ZNF2: variants seen among roughly 807,000 people sequenced by gnomAD.
ZNF2 encodes zinc finger protein 2.2.
In ZNF2, 12 loss-of-function variants were observed where a neutral mutation model predicts 21.9. The observed-to-expected ratio is 0.55, with a 90% CI of 0.35 to 0.89. The LOEUF is 0.89. ZNF2 is among the 40% of genes least tolerant of loss of function. The probability of loss-of-function intolerance (pLI) is 0.01; values close to 1 mark genes in which losing one functional copy is unlikely to be tolerated. For missense variants in ZNF2, 462 were observed against 544.2 expected (o/e 0.85, Z 1.50); for synonymous variants, 186 against 196.3 (o/e 0.95, Z 0.44).
At position 95,167,189 on chromosome 2, in the gene ZNF2, A is replaced by C. The variant is rs150092644; in HGVS notation, c.-40+1329A>C. Among the ~76,000 whole-genome samples the C allele has an allele frequency of 3.9e-5, 6 of 152,340 alleles. No homozygotes were observed. The East Asian group carries it at 1.2e-3, about 29-fold the overall frequency. ...ACTTGAATAAGCAGAAGCTTGTCCG[A>C]ACAGTGAAAAGCTACAGAGAAATAG... On this transcript the variant is annotated intron_variant, in intron 1 of 4. Transcript: ENST00000614034.
At chr2:95,175,507 AACT>A (rs1288199246) in intron 1 of ZNF2, among the ~76,000 whole-genome samples, 1 of 151,990 alleles carries the variant, frequency 6.6e-6, no homozygotes, top group Non-Finnish European at 1.5e-5. Flanking sequence ...TGCTGCTGGT[AACT>A]TTGGTTCCCC....
chr2:95,168,094 A>T (rs1674144180), intron 1 of ZNF2, among the ~76,000 whole-genome samples: 1 of 152,002 alleles, frequency 6.6e-6, no homozygotes, highest in Middle Eastern at 3.4e-3. Context: ...ATGTTGAAAG[A>T]AAGTGCTACT....
chr2:95,173,417 G>A (rs137938575), intron 1 of ZNF2, among the ~76,000 whole-genome samples: 2 of 152,128 alleles, frequency 1.3e-5, no homozygotes, highest in Non-Finnish European at 2.9e-5. Flanking sequence ...CTAATGTTTG[G>A]ATATGTTTTG....
rs765871841 is a variant in ZNF2, at chr2:95,181,114, A to G, written c.286A>G (p.Lys96Glu). Residue 96 changes from lysine to glutamate, a missense_variant, in exon 5 of 5, where the codon AAG becomes GAG. Physicochemically the swap from Lys to Glu is moderately conservative, Grantham distance 56. Coordinates refer to ENST00000614034, the MANE Select transcript of ZNF2 (RefSeq NM_021088.4). Reference sequence around the variant, plus strand: ...TCTGTTTGTTCCAGACTGGGAAACTAAGCCTGAGATTCACGATGCTTCAGA... The same window carrying G: ...TCTGTTTGTTCCAGACTGGGAAACTGAGCCTGAGATTCACGATGCTTCAGA... ...PESVSLDWET[K>E]PEIHDASDKK... 3 of 1,613,118 alleles carry G rather than the reference A, an allele frequency of 1.9e-6. No homozygotes were observed. Among genetic ancestry groups the G allele is most frequent in the East Asian group, 2.2e-5 (1 of 44,858 alleles).
chr2:95,172,922 C>A (rs1414652814), intron 1 of ZNF2, among the ~76,000 whole-genome samples: 7 of 151,558 alleles, frequency 4.6e-5, no homozygotes, highest in Non-Finnish European at 1.0e-4. Context: ...CAGGTGTGAG[C>A]CACTGCACCT....
At chr2:95,172,256 A>C (rs1207988290) in intron 1 of ZNF2, among the ~76,000 whole-genome samples, 1 of 152,212 alleles carries the variant, frequency 6.6e-6, no homozygotes, top group East Asian at 1.9e-4. Flanking sequence ...CATTGTTTGC[A>C]CAAATAGTTT....
chr2:95,175,665 G>A (rs796102794), intron 1 of ZNF2, among the ~76,000 whole-genome samples: 12 of 152,256 alleles, frequency 7.9e-5, no homozygotes, highest in African/African-American at 2.9e-4. Flanking sequence ...AGTCATGTGT[G>A]CATTACCCAC....
At chr2:95,178,646 C>T (rs1276591514) in intron 3 of ZNF2, among the ~76,000 whole-genome samples, 1 of 152,108 alleles carries the variant, frequency 6.6e-6, no homozygotes, top group African/African-American at 2.4e-5. Flanking sequence ...AAGTTTAGAG[C>T]CCAAGCCTAT....
intron 1 of ZNF2, among the ~76,000 whole-genome samples, chr2:95,167,828 CAA>C (rs898357846): frequency 6.8e-5 from 9 of 133,136 alleles, no homozygotes; most frequent in East Asian, 2.2e-4. Context: ...GCCTGGGCGA[CAA>C]GAGTGAAATT....
intron 4 of ZNF2, 105 bp downstream of exon 4, chr2:95,180,377 T>C: frequency 1.4e-6 from 1 of 735,966 alleles, no homozygotes. Context: ...TCAAGTCTTC[T>C]GCTTTATTAT....
In ZNF2 at chr2:95,181,712, GC is replaced by G; in HGVS notation, c.886del (p.Gln296ArgfsTer10). 8 of 1,614,206 alleles carry G rather than the reference GC, an allele frequency of 5.0e-6. No individual in the cohort carries two copies. The highest frequency in any genetic ancestry group is 6.8e-6 in the Non-Finnish European group (8 of 1,180,038). On this transcript the variant is annotated frameshift_variant, in exon 5 of 5. Transcript: ENST00000614034. LOFTEE classifies it low-confidence loss of function (END_TRUNC). Reference sequence around the variant, plus strand: ...TGTCATCAGTGTGGGAAAGCCTTTAGCCAGAAAAGTATTCTTACTCGCCATC... The same window carrying G: ...TGTCATCAGTGTGGGAAAGCCTTTAGCAGAAAAGTATTCTTACTCGCCATC... ...YECHQCGKAFSQKSILTRHQL... is the reference protein window; with the variant it reads ...YECHQCGKAFXQKSILTRHQL...
At chr2:95,169,408 A>G (rs770979038) in intron 1 of ZNF2, among the ~76,000 whole-genome samples, 29 of 152,236 alleles carry the variant, frequency 1.9e-4, no homozygotes, top group Non-Finnish European at 7.3e-5. Flanking sequence ...AACATATACA[A>G]ATACTTTGAC....
chr2:95,180,218 A>G lies in ZNF2; in HGVS notation c.220A>G (p.Met74Val). 2 of 1,614,158 alleles carry G rather than the reference A, an allele frequency of 1.2e-6. No individual in the cohort carries two copies. The change falls in exon 4 of 5, where the codon ATG becomes GTG. Residue 74 changes from methionine (M) to valine (V), a missense_variant. By Grantham distance (21) the Met-to-Val change is conservative. Transcript: ENST00000614034. ...FQLKRGDKPW[M>V]VDLHGSEERE... Reference sequence around the variant, plus strand: ...ATTGAAGAGAGGGGACAAGCCGTGGATGGTAGATCTTCATGGGTCTGAGGA... The same window carrying G: ...ATTGAAGAGAGGGGACAAGCCGTGGGTGGTAGATCTTCATGGGTCTGAGGA...
intron 1 of ZNF2, among the ~76,000 whole-genome samples, chr2:95,167,035 G>T (rs1259543180): frequency 2.6e-5 from 4 of 152,176 alleles, no homozygotes; most frequent in African/African-American, 9.7e-5. Context: ...AACGAAGAAA[G>T]TACAAAGACT....
rs767033005 is a variant in ZNF2 at position 95,182,052 on chromosome 2, A to C, written c.1224A>C (p.Ser408=). ...CTGTGTGTGGGAAAGTTTTCAGTTCAAAATCTTCTGTTATTCAACATCAAC... is the reference window on the plus strand; with the variant it reads ...CTGTGTGTGGGAAAGTTTTCAGTTCCAAATCTTCTGTTATTCAACATCAAC... ...ECTVCGKVFS[S]KSSVIQHQRR... Residue 408 remains serine (S), a synonymous_variant, in exon 5 of 5, where the codon TCA becomes TCC. Coordinates refer to ENST00000614034, the MANE Select transcript of ZNF2 (RefSeq NM_021088.4). 1 of 1,613,024 alleles carries C rather than the reference A, an allele frequency of 6.2e-7. No individual in the cohort carries two copies.
At position 95,182,437 on chromosome 2, in the gene ZNF2, G is replaced by A. The variant is rs958466461; in HGVS notation, c.*331G>A. 1.1e-4 allele frequency: 25 copies of A among 234,212 alleles called. No individual in the cohort carries two copies. The Admixed American group carries it at 1.2e-3, about 11-fold the overall frequency. The allele number at this position is 234,212 out of a possible 1,614,324, so 14.5% of individuals were successfully genotyped here. ...CTGGAGGCTGCAACAGGAGGGAAAG[G>A]CAGAATGATATCACAGCAGTACTAT... On this transcript the variant is annotated 3_prime_UTR_variant, in exon 5 of 5. Transcript: ENST00000614034.
At position 95,183,026 on chromosome 2, in the gene ZNF2, T is replaced by G. The variant is rs939798030; in HGVS notation, c.*920T>G. On this transcript the variant is annotated 3_prime_UTR_variant, in exon 5 of 5. Coordinates refer to ENST00000614034, the MANE Select transcript of ZNF2 (RefSeq NM_021088.4). ...CAGAACACCTCTTGGATTTGCATAC[T>G]TTCTCTGAATTCACAGCCCAGCCTA... is the stretch of plus-strand genomic sequence containing the variant. 1 of 152,242 alleles carries G rather than the reference T, an allele frequency of 6.6e-6. No homozygotes were observed. The highest frequency in any genetic ancestry group is 1.5e-5 in the Non-Finnish European group (1 of 68,048). The allele number at this position is 152,242 out of a possible 1,614,324, so 9.4% of individuals were successfully genotyped here.
chr2:95,177,426 T>C lies in ZNF2; in HGVS notation c.34-57T>C, dbSNP rs569111952. The stretch of plus-strand genomic sequence containing the variant: ...GGGCTGTCATCTTTGACATTTTTGG[T>C]CTGGTCCAAGTAAAGAGAAGGATTA... On this transcript the variant is annotated intron_variant, in intron 2 of 4. Coordinates refer to ENST00000614034, the MANE Select transcript of ZNF2 (RefSeq NM_021088.4). 1.1e-5 allele frequency: 18 copies of C among 1,579,282 alleles called. No individual in the cohort carries two copies. The African/African-American group carries it at 1.9e-4, about 17-fold the overall frequency.
chr2:95,182,461 A>T lies in ZNF2; in HGVS notation c.*355A>T, dbSNP rs1674711023. ...GGCAGAATGATATCACAGCAGTACTATTTTTTTTTTTCAGAACATTTGTTT... is the reference window on the plus strand; with the variant it reads ...GGCAGAATGATATCACAGCAGTACTTTTTTTTTTTTTCAGAACATTTGTTT... On this transcript the variant is annotated 3_prime_UTR_variant, in exon 5 of 5. Transcript: ENST00000614034. 5.9e-6 allele frequency: 1 copy of T among 170,516 alleles called. No homozygotes were observed. Among genetic ancestry groups the T allele is most frequent in the Admixed American group, 6.0e-5 (1 of 16,730 alleles). The allele number at this position is 170,516 out of a possible 1,614,324, so 10.6% of individuals were successfully genotyped here.
Sources: allele counts gnomAD v4.1 joint callset (sites outside exome capture counted in the v4.1 genomes callset), GRCh38; gene constraint gnomAD v4.1.1; transcripts MANE v1.5; gene names NCBI Gene and HGNC (gene_info 2026-07-23, HGNC 2026-07-21).